Variants in LARP4B observed in about 807,000 individuals in gnomAD.
LARP4B encodes the protein La ribonucleoprotein 4B.
In LARP4B, 12 loss-of-function variants were observed where a neutral mutation model predicts 89.8. The observed-to-expected ratio is 0.13, with a 90% confidence interval of 0.09 to 0.22. LARP4B has a LOEUF of 0.22. LARP4B is among the 10% of genes least tolerant of loss of function. LARP4B has a pLI of 1.00. For synonymous variants in LARP4B, 367 were observed against 363.3 expected (o/e 1.01, Z -0.12); for missense variants, 757 against 947.7 (o/e 0.80, Z 2.64).
chr10:810,766 A>G lies in LARP4B; in HGVS notation c.*2160T>C, dbSNP rs1325674442. ...TCTGAGTATTGAGAGTTTGGGTTTC[A>G]CAGATCAATTATTTCTGATTTTTTT... On this transcript the variant is annotated 3_prime_UTR_variant, in exon 18 of 18. Transcript: ENST00000316157. 4.0e-5 allele frequency: 6 copies of G among 150,228 alleles called. No individual in the cohort carries two copies. The highest frequency in any genetic ancestry group is 2.1e-4 in the South Asian group (1 of 4,754). 9.3% of individuals were successfully genotyped at this position (150,228 alleles called of 1,614,324 possible).
At chr10:893,304 T>C (rs2131961254) in intron 1 of LARP4B, among the ~76,000 whole-genome samples, 1 of 152,302 alleles carries the variant, frequency 6.6e-6, no homozygotes, top group South Asian at 2.1e-4. Context: ...TTATTTTACA[T>C]ATTGTATATA....
At chr10:937,448 G>A in the LARP4B span, among the ~76,000 whole-genome samples, 25 of 152,248 alleles carry the variant, frequency 1.6e-4, no homozygotes, top group African/African-American at 2.6e-4. Flanking sequence ...TATAGATTAT[G>A]TACACCACCT....
At chr10:957,903 C>T in the LARP4B span, among the ~76,000 whole-genome samples, 1 of 151,140 alleles carries the variant, frequency 6.6e-6, no homozygotes, top group East Asian at 1.9e-4. Flanking sequence ...TTCAAGCCCT[C>T]CTCCCTCCTC....
rs189109386 is a variant in LARP4B at position 930,458 on chromosome 10, G to A, written c.-40+970C>T. Among the ~76,000 whole-genome samples, 443 of 152,318 alleles carry A rather than the reference G, an allele frequency of 2.9e-3. 3 individuals carry two copies. Among genetic ancestry groups the A allele is most frequent in the African/African-American group, 0.01 (420 of 41,564 alleles). ...ATCTCAAACGAAAGCCAGATAGGAG[G>A]TAGTTTTCTACAGCTAGGTTTCTCA... On this transcript the variant is annotated intron_variant, in intron 1 of 17. Coordinates refer to ENST00000316157, the MANE Select transcript of LARP4B (RefSeq NM_015155.3).
chr10:914,003 A>C (rs1244826752), intron 1 of LARP4B, among the ~76,000 whole-genome samples: 1 of 152,224 alleles, frequency 6.6e-6, no homozygotes, highest in East Asian at 1.9e-4. Context: ...CTTTTCAAAA[A>C]TTTAATCTTA....
chr10:863,620 A>T, intron 5 of LARP4B, 123 bp downstream of exon 5: 1 of 1,094,506 alleles, frequency 9.1e-7, no homozygotes, highest in Non-Finnish European at 1.3e-6. Flanking sequence ...GGGTGAGTTT[A>T]AAGTAGAATT....
At chr10:899,256 T>C (rs1032998414) in intron 1 of LARP4B, among the ~76,000 whole-genome samples, 4 of 152,206 alleles carry the variant, frequency 2.6e-5, no homozygotes, top group Non-Finnish European at 5.9e-5. Flanking sequence ...TCAAGTATAT[T>C]GATGATTTTT....
chr10:906,393 T>A (rs891332687), intron 1 of LARP4B, among the ~76,000 whole-genome samples: 1 of 152,258 alleles, frequency 6.6e-6, no homozygotes, highest in Non-Finnish European at 1.5e-5. Flanking sequence ...GTATGATCGA[T>A]GAACAAGTTT....
At chr10:856,652 C>A (rs1442720365) in intron 5 of LARP4B, among the ~76,000 whole-genome samples, 1 of 152,142 alleles carries the variant, frequency 6.6e-6, no homozygotes, top group African/African-American at 2.4e-5. Flanking sequence ...CAGTCATTGG[C>A]GGGTGAGGGG....
chr10:864,089 A>AG (rs34664168), intron 4 of LARP4B, 34 bp downstream of exon 4: 1 of 1,612,648 alleles, frequency 6.2e-7, no homozygotes, highest in Non-Finnish European at 8.5e-7. Flanking sequence ...GCCTGAAAGC[A>AG]GGGGGCTGCA....
rs1836133322 is a variant in LARP4B, at chr10:894,612, A to G, written c.-39-8852T>C. Among the ~76,000 whole-genome samples the G allele has an allele frequency of 2.0e-5, 3 of 152,204 alleles. No homozygotes were observed. In the South Asian group the frequency reaches 6.2e-4, roughly 32 times the overall value. Reference sequence around the variant, plus strand: ...AACTTTTAAGGTTGCCTAGGTAATAAAGACATGATAAAATTACTATTAATT... The same window carrying G: ...AACTTTTAAGGTTGCCTAGGTAATAGAGACATGATAAAATTACTATTAATT... On this transcript the variant is annotated intron_variant, in intron 1 of 17. Transcript: ENST00000316157.
At chr10:856,180 T>C (rs1314485561) in intron 5 of LARP4B, among the ~76,000 whole-genome samples, 1 of 152,150 alleles carries the variant, frequency 6.6e-6, no homozygotes, top group Non-Finnish European at 1.5e-5. Context: ...ACACAAGAAA[T>C]TTTAAACTGC....
At chr10:874,084 A>C (rs756816597) in intron 3 of LARP4B, among the ~76,000 whole-genome samples, 1 of 152,072 alleles carries the variant, frequency 6.6e-6, no homozygotes, top group Non-Finnish European at 1.5e-5. Flanking sequence ...AATACAAAAA[A>C]TTAGCTGAGC....
intron 1 of LARP4B, among the ~76,000 whole-genome samples, chr10:928,685 G>A (rs994601870): frequency 1.1e-4 from 16 of 152,132 alleles, no homozygotes; most frequent in African/African-American, 3.9e-4. Flanking sequence ...AAGCTCAAGC[G>A]ATCTTCCCAC....
chr10:915,143 T>G (rs1836785289), intron 1 of LARP4B, among the ~76,000 whole-genome samples: 1 of 152,100 alleles, frequency 6.6e-6, no homozygotes, highest in African/African-American at 2.4e-5. Flanking sequence ...TGATTGAGAT[T>G]TGATGGACAG....
chr10:897,095 T>C (rs941423050), intron 1 of LARP4B, among the ~76,000 whole-genome samples: 1 of 149,884 alleles, frequency 6.7e-6, no homozygotes, highest in Admixed American at 6.7e-5. Flanking sequence ...AAGAATAAAA[T>C]TGAAAGACAC....
At position 822,046 on chromosome 10, in the gene LARP4B, C is replaced by A. The variant is rs1313316528; in HGVS notation, c.1485-1201G>T. Reference sequence around the variant, plus strand: ...CCTGGGCCTGCATTATGGACAGCCACCCCAGTACACACCTGGCTCAGCACC... The same window carrying A: ...CCTGGGCCTGCATTATGGACAGCCAACCCAGTACACACCTGGCTCAGCACC... On this transcript the variant is annotated intron_variant, in intron 13 of 17. Transcript: ENST00000316157. The surrounding 1 kb of genome is among the most constrained non-coding windows in gnomAD (Gnocchi z 4.6). Among the ~76,000 whole-genome samples, 3 of 152,178 alleles carry A rather than the reference C, an allele frequency of 2.0e-5. No homozygotes were observed. The highest frequency in any genetic ancestry group is 6.5e-5 in the Admixed American group (1 of 15,288).
At chr10:906,358 T>C (rs990853709) in intron 1 of LARP4B, among the ~76,000 whole-genome samples, 3 of 152,254 alleles carry the variant, frequency 2.0e-5, no homozygotes, top group Admixed American at 2.0e-4. Context: ...TTTATATTAA[T>C]TAAATCACAC....
intron 13 of LARP4B, among the ~76,000 whole-genome samples, chr10:821,457 C>T (rs191921178): frequency 2.2e-3 from 342 of 152,296 alleles, no homozygotes; most frequent in African/African-American, 7.7e-3. Context: ...ACGCCACACA[C>T]GCAGTTGATA....
Sources: allele counts gnomAD v4.1 joint callset (sites outside exome capture counted in the v4.1 genomes callset), GRCh38; gene constraint gnomAD v4.1.1; non-coding constraint Gnocchi (gnomAD v3.1); transcripts MANE v1.5; gene names NCBI Gene and HGNC (gene_info 2026-07-23, HGNC 2026-07-21).